Variants in RAI14 observed in about 807,000 individuals in gnomAD.
RAI14 encodes retinoic acid induced 14.
A neutral mutation model predicts 115.4 loss-of-function variants in RAI14; 45 were observed. That is an observed-to-expected ratio of 0.39 (90% confidence interval 0.31 to 0.50). The LOEUF is 0.50. RAI14 is among the 20% of genes least tolerant of loss of function. RAI14 has a pLI of 0.85. For missense variants in RAI14, 939 were observed against 1,131.2 expected, an observed-to-expected ratio of 0.83 and a Z score of 2.44; for synonymous variants, 371 against 415.4, an observed-to-expected ratio of 0.89 and a Z score of 1.30.
intron 1 of RAI14, among the ~76,000 whole-genome samples, chr5:34,684,200 C>G (rs74818255): frequency 0.015 from 2,318 of 152,294 alleles, 63 homozygotes; most frequent in African/African-American, 0.053. Flanking sequence ...TGAACCAGCC[C>G]AACTCTGACA....
intron 3 of RAI14, among the ~76,000 whole-genome samples, chr5:34,767,591 GCCCCCACCACCCCCACCA>G (rs574133836): frequency 1.3e-4 from 15 of 116,836 alleles, no homozygotes; most frequent in African/African-American, 4.6e-4. Flanking sequence ...CACCGCCACC[GCCCCCACCACCCCCACCA>G]CCCCCACCAC....
intron 3 of RAI14, among the ~76,000 whole-genome samples, chr5:34,789,636 A>G (rs1752697637): frequency 6.6e-6 from 1 of 152,146 alleles, no homozygotes; most frequent in Non-Finnish European, 1.5e-5. Flanking sequence ...GTTCTGATTT[A>G]ACTTCTGCTA....
At chr5:34,725,949 C>T (rs556899680) in intron 2 of RAI14, among the ~76,000 whole-genome samples, 76 of 109,532 alleles carry the variant, frequency 6.9e-4, no homozygotes, top group African/African-American at 2.8e-3. Flanking sequence ...GCAACAGGAG[C>T]GAAACTGCTT....
chr5:34,698,940 G>A (rs1200414123), intron 2 of RAI14, among the ~76,000 whole-genome samples: 1 of 152,096 alleles, frequency 6.6e-6, no homozygotes. Flanking sequence ...CAGGGAGGGA[G>A]CCTAGATTCC....
chr5:34,775,175 G>A (rs1006414404), intron 3 of RAI14, among the ~76,000 whole-genome samples: 14 of 152,104 alleles, frequency 9.2e-5, no homozygotes, highest in South Asian at 2.1e-4. Context: ...AGAAAACATC[G>A]AGGAAACTCT....
chr5:34,772,115 G>A (rs1177559386), intron 3 of RAI14, among the ~76,000 whole-genome samples: 1 of 152,154 alleles, frequency 6.6e-6, no homozygotes, highest in Non-Finnish European at 1.5e-5. Flanking sequence ...GTTTCACCAT[G>A]TTGCCCAGGC....
chr5:34,812,026 T>G (rs1246003431), intron 9 of RAI14, 81 bp downstream of exon 9: 5 of 1,328,990 alleles, frequency 3.8e-6, no homozygotes, highest in Non-Finnish European at 4.2e-6. Flanking sequence ...GTGTGCAATA[T>G]GATATATTTT....
intron 2 of RAI14, among the ~76,000 whole-genome samples, chr5:34,709,373 G>A (rs957072340): frequency 2.0e-5 from 3 of 152,176 alleles, no homozygotes; most frequent in East Asian, 1.9e-4. Flanking sequence ...GCTTGAACCT[G>A]GACGACGGAG....
At position 34,754,520 on chromosome 5, in the gene RAI14, G is replaced by A. The variant is rs1038153839; in HGVS notation, c.37-2948G>A. Among the ~76,000 whole-genome samples, 13 of 145,510 alleles carry A rather than the reference G, an allele frequency of 8.9e-5. No individual in the cohort carries two copies. In the East Asian group the frequency reaches 1.2e-3, roughly 13 times the overall value. On this transcript the variant is annotated intron_variant, in intron 2 of 17. Coordinates refer to ENST00000265109, the MANE Select transcript of RAI14 (RefSeq NM_015577.3). Reference sequence around the variant, plus strand: ...TGGGATTACAGTTATGAGCTACCACGCCCAGGCTCTTACCTTCCCTCCTCT... The same window carrying A: ...TGGGATTACAGTTATGAGCTACCACACCCAGGCTCTTACCTTCCCTCCTCT...
intron 3 of RAI14, among the ~76,000 whole-genome samples, chr5:34,781,855 T>C (rs887938243): frequency 6.6e-6 from 1 of 151,560 alleles, no homozygotes; most frequent in Non-Finnish European, 1.5e-5. Context: ...AAATACAGAG[T>C]GTGGAGTGGG....
At chr5:34,746,523 G>A (rs1040086363) in intron 2 of RAI14, among the ~76,000 whole-genome samples, 2 of 150,426 alleles carry the variant, frequency 1.3e-5, no homozygotes, top group East Asian at 2.0e-4. Context: ...TCCTGCCTCC[G>A]CCTCCCGAGT....
At chr5:34,750,878 G>A in intron 2 of RAI14, among the ~76,000 whole-genome samples, 1 of 95,142 alleles carries the variant, frequency 1.1e-5, no homozygotes, top group Non-Finnish European at 2.1e-5. Context: ...TTGAGGTGGA[G>A]TTTTGCTCTT....
At chr5:34,684,028 G>A (rs1264458505) in intron 1 of RAI14, among the ~76,000 whole-genome samples, 1 of 152,174 alleles carries the variant, frequency 6.6e-6, no homozygotes, top group Admixed American at 6.5e-5. Flanking sequence ...TGCCCGGCCG[G>A]CGATTTCCAC....
intron 13 of RAI14, 49 bp downstream of exon 13, chr5:34,818,900 T>A: frequency 4.6e-6 from 7 of 1,522,252 alleles, no homozygotes; most frequent in South Asian, 3.6e-5. Context: ...CCAAACTATT[T>A]CATGTCCATT....
chr5:34,811,753 C>A lies in RAI14; in HGVS notation c.558-14C>A, dbSNP rs779138108. 6.3e-7 allele frequency: 1 copy of A among 1,597,456 alleles called. No individual in the cohort carries two copies. Among genetic ancestry groups the A allele is most frequent in the Non-Finnish European group, 8.5e-7 (1 of 1,175,360 alleles). ...TTCTCTTAGTACTAATTTTGTGTCT[C>A]TTTTTTCCTTTAGAACTGCTCTCAT... On this transcript the variant is annotated splice_polypyrimidine_tract_variant and intron_variant, in intron 8 of 17. Coordinates refer to ENST00000265109, the MANE Select transcript of RAI14 (RefSeq NM_015577.3).
rs138662346 is a variant in RAI14, at chr5:34,791,261, G to A, written c.168-4678G>A. Among the ~76,000 whole-genome samples the A allele has an allele frequency of 2.5e-3, 384 of 152,200 alleles. 2 individuals are homozygous for A. The highest frequency in any genetic ancestry group is 8.8e-3 in the African/African-American group (366 of 41,528). On this transcript the variant is annotated intron_variant, in intron 3 of 17. Transcript: ENST00000265109. The surrounding 1 kb of genome is among the most constrained non-coding windows in gnomAD (Gnocchi z 5.4). ...TATTTCTTTATTGAGTAGTGGGACC[G>A]TCTAGACTGTGTGCTGGCTCTTACT...
chr5:34,792,432 C>T (rs562509547), intron 3 of RAI14, among the ~76,000 whole-genome samples: 1 of 152,154 alleles, frequency 6.6e-6, no homozygotes, highest in Non-Finnish European at 1.5e-5. Context: ...GACGGGGTTT[C>T]ACTGTGTTAG....
intron 3 of RAI14, among the ~76,000 whole-genome samples, chr5:34,775,406 T>C (rs928991171): frequency 3.3e-5 from 5 of 152,154 alleles, no homozygotes; most frequent in African/African-American, 1.2e-4. Context: ...CAAACAATTC[T>C]ATAGGGAAAA....
chr5:34,795,414 A>G (rs1753398046), intron 3 of RAI14, among the ~76,000 whole-genome samples: 1 of 152,230 alleles, frequency 6.6e-6, no homozygotes, highest in Admixed American at 6.5e-5. Flanking sequence ...GGCACTTACC[A>G]AATATTGCAT....
Sources: allele counts gnomAD v4.1 joint callset (sites outside exome capture counted in the v4.1 genomes callset), GRCh38; gene constraint gnomAD v4.1.1; non-coding constraint Gnocchi (gnomAD v3.1); transcripts MANE v1.5; gene names NCBI Gene and HGNC (gene_info 2026-07-23, HGNC 2026-07-21).